DGKD: variants seen among roughly 807,000 people sequenced by gnomAD.
DGKD encodes diacylglycerol kinase delta, also known as DAG kinase delta.
In DGKD, 68 loss-of-function variants were observed where a neutral mutation model predicts 154.4. That is an observed-to-expected ratio of 0.44 (90% CI 0.36 to 0.54). The LOEUF is 0.54. DGKD is among the 20% of genes least tolerant of loss of function. The pLI, the probability that DGKD is intolerant of heterozygous loss-of-function variation, is 0.00. For missense variants in DGKD, 1,343 were observed against 1,593.6 expected (o/e 0.84, Z 2.68); for synonymous variants, 693 against 638.0 (o/e 1.09, Z -1.30).
At chr2:233,386,451 TC>T (rs918009077) in intron 1 of DGKD, among the ~76,000 whole-genome samples, 189 of 151,438 alleles carry the variant, frequency 1.2e-3, no homozygotes, top group African/African-American at 4.3e-3. Context: ...GCTACCAGAA[TC>T]GGGGTGGGAC....
Position 233,446,700 on chromosome 2 carries a change from T to G in DGKD, c.1335-12T>G, listed in dbSNP as rs750257589. 6.2e-7 allele frequency: 1 copy of G among 1,612,938 alleles called. No individual in the cohort carries two copies. Among genetic ancestry groups the G allele is most frequent in the Non-Finnish European group, 8.5e-7 (1 of 1,179,742 alleles). On this transcript the variant is annotated splice_polypyrimidine_tract_variant and intron_variant, in intron 11 of 29. Transcript: ENST00000264057. ...CGTCTTGCCGCCTGTGCAGCTGACC[T>G]TGTGTGTGCAGGTGGAGCGTCATGG... is the stretch of plus-strand genomic sequence containing the variant.
rs143878434 is a variant in DGKD, at chr2:233,425,238, G to A, written c.349-9142G>A. On this transcript the variant is annotated intron_variant, in intron 3 of 29. Transcript: ENST00000264057. ...GTCACACCCTGTCGCCCAGGCTGGA[G>A]TGCAGTGGCGTAATCTTGGCTCACT... 6.5e-4 allele frequency among the ~76,000 whole-genome samples: 99 copies of A among 152,078 alleles called. 1 individual carries two copies. The East Asian group carries it at 0.019, about 29-fold the overall frequency.
intron 1 of DGKD, among the ~76,000 whole-genome samples, chr2:233,366,884 G>T (rs564590845): frequency 3.9e-4 from 60 of 152,320 alleles, no homozygotes; most frequent in Non-Finnish European, 6.5e-4. Context: ...AAAGGGGGCT[G>T]CAGAGAAGCC....
chr2:233,440,455 G>A lies in DGKD; in HGVS notation c.1086-1432G>A, dbSNP rs1379146930. Among the ~76,000 whole-genome samples, 3 of 152,168 alleles carry A rather than the reference G, an allele frequency of 2.0e-5. No individual in the cohort carries two copies. The highest frequency in any genetic ancestry group is 1.3e-4 in the Admixed American group (2 of 15,278). On this transcript the variant is annotated intron_variant, in intron 9 of 29. Transcript: ENST00000264057. This position sits in a 1 kb window ranked among gnomAD's most constrained non-coding sequence, Gnocchi z 4.9. Reference sequence around the variant, plus strand: ...GGTAGGAGCACACGCAGGGTCCCCCGGCACTTCAGTGGGGGTGACACAGCT... The same window carrying A: ...GGTAGGAGCACACGCAGGGTCCCCCAGCACTTCAGTGGGGGTGACACAGCT...
intron 1 of DGKD, among the ~76,000 whole-genome samples, chr2:233,372,330 A>G (rs1395191518): frequency 6.6e-6 from 1 of 152,184 alleles, no homozygotes; most frequent in Admixed American, 6.5e-5. Flanking sequence ...CCTCTTCTAC[A>G]TTTTATGTTT....
chr2:233,425,620 A>G (rs561052771), intron 3 of DGKD, among the ~76,000 whole-genome samples: 1 of 152,290 alleles, frequency 6.6e-6, no homozygotes, highest in South Asian at 2.1e-4. Flanking sequence ...GACTAATATT[A>G]GTGTTTTCTC....
chr2:233,460,222 A>C lies in DGKD; in HGVS notation c.2858A>C (p.Glu953Ala). 1 of 1,613,912 alleles carries C rather than the reference A, an allele frequency of 6.2e-7. No homozygotes were observed. Among genetic ancestry groups the C allele is most frequent in the South Asian group, 1.1e-5 (1 of 91,078 alleles). ...RAFESTLKSW[E>A]DKQKCELPRP... is the part of the protein sequence containing the mutation. ...TTTGAGAGCACCCTGAAGTCCTGGG[A>C]AGACAAGCAGAAGTGCGAGCTGCCC... Residue 953 changes from glutamate to alanine, a missense_variant, in exon 24 of 30, where the codon GAA (glutamate) becomes GCA (alanine). Transcript: ENST00000264057.
intron 27 of DGKD, among the ~76,000 whole-genome samples, chr2:233,464,630 GCCTTTTGGGATC>G (rs2063771833): frequency 6.6e-6 from 1 of 152,190 alleles, no homozygotes; most frequent in South Asian, 2.1e-4. Flanking sequence ...ATAAATGGCA[GCCTTTTGGGATC>G]CCGCTGTGGA....
intron 16 of DGKD, 44 bp downstream of exon 16, chr2:233,450,175 G>C: frequency 6.4e-7 from 1 of 1,554,042 alleles, no homozygotes; most frequent in Non-Finnish European, 8.7e-7. Context: ...CGTGTGCTTG[G>C]TTTTGGTGAG....
rs148618506 is a variant in DGKD, at chr2:233,413,551, C to T, written c.349-20829C>T. ...ATCATGGGGCTTGTTGATCTGTTTT[C>T]ATCCCAGCGCCCCCGAACCATGCCT... On this transcript the variant is annotated intron_variant, in intron 3 of 29. Coordinates refer to ENST00000264057, the MANE Select transcript of DGKD (RefSeq NM_152879.3). 3.3e-4 allele frequency among the ~76,000 whole-genome samples: 50 copies of T among 152,296 alleles called. No homozygotes were observed. The East Asian group carries it at 8.5e-3, about 26-fold the overall frequency.
intron 1 of DGKD, among the ~76,000 whole-genome samples, chr2:233,356,728 C>T (rs1701547256): frequency 6.6e-6 from 1 of 152,112 alleles, no homozygotes; most frequent in Admixed American, 6.5e-5. Context: ...GTCACATCTG[C>T]TGTACAGATA....
intron 3 of DGKD, among the ~76,000 whole-genome samples, chr2:233,423,050 A>G (rs1343347491): frequency 1.3e-5 from 2 of 152,214 alleles, no homozygotes; most frequent in Non-Finnish European, 2.9e-5. Flanking sequence ...CACTCAGCGT[A>G]ATTCCCTGGA....
intron 3 of DGKD, among the ~76,000 whole-genome samples, chr2:233,393,334 C>CTTTTTTTT (rs61587988): frequency 9.6e-6 from 1 of 103,862 alleles, no homozygotes; most frequent in African/African-American, 3.8e-5. Context: ...GGCCTGTTTC[C>CTTTTTTTT]TTTTTTTTTT....
At chr2:233,423,847 T>G (rs551189643) in intron 3 of DGKD, among the ~76,000 whole-genome samples, 1 of 152,260 alleles carries the variant, frequency 6.6e-6, no homozygotes, top group African/African-American at 2.4e-5. Context: ...GGCTGCTGCT[T>G]CTTTAGCTCC....
chr2:233,405,458 C>T (rs145137042), intron 3 of DGKD, among the ~76,000 whole-genome samples: 1,543 of 151,028 alleles, frequency 0.01, 30 homozygotes, highest in African/African-American at 0.035. Context: ...GCGGAGGTTG[C>T]AGTGAGCCGA....
At chr2:233,451,172 A>G in intron 17 of DGKD, 122 bp downstream of exon 17, 1 of 1,099,054 alleles carries the variant, frequency 9.1e-7, no homozygotes, top group Non-Finnish European at 1.2e-6. Flanking sequence ...AGATAGGTGG[A>G]ATTGAAAAAT....
intron 1 of DGKD, among the ~76,000 whole-genome samples, chr2:233,359,274 T>G (rs1414078783): frequency 6.6e-6 from 1 of 152,174 alleles, no homozygotes; most frequent in Non-Finnish European, 1.5e-5. Flanking sequence ...TATTAGTTCT[T>G]GGGTTGGTTG....
intron 3 of DGKD, among the ~76,000 whole-genome samples, chr2:233,428,756 C>T (rs894135858): frequency 1.3e-5 from 2 of 152,154 alleles, no homozygotes; most frequent in Non-Finnish European, 2.9e-5. Context: ...CTTTTCTTGA[C>T]GAGAAGCAAA....
rs1305504387 is a variant in DGKD at position 233,388,266 on chromosome 2, A to G, written c.166A>G (p.Lys56Glu). ...GTTTCTGTACTTTCAGACCATCATC[A>G]AAGAGGGGATGCTGACCAAACAGAA... ...SGQIRQKTII[K>E]EGMLTKQNNS... Residue 56 changes from lysine (K) to glutamate (E), a missense_variant, in exon 2 of 30, where the codon AAA becomes GAA. This residue lies in a region of DGKD where 332 missense variants were observed against 400.1 expected (regional missense o/e 0.83). Transcript: ENST00000264057. 6.2e-7 allele frequency: 1 copy of G among 1,613,226 alleles called. No individual in the cohort carries two copies. The highest frequency in any genetic ancestry group is 2.2e-5 in the East Asian group (1 of 44,868).
Sources: allele counts gnomAD v4.1 joint callset (sites outside exome capture counted in the v4.1 genomes callset), GRCh38; gene constraint gnomAD v4.1.1; regional missense constraint gnomAD v4.1.1; non-coding constraint Gnocchi (gnomAD v3.1); transcripts MANE v1.5; gene names NCBI Gene and HGNC (gene_info 2026-07-23, HGNC 2026-07-21).